The following FBXL17 variants were observed in gnomAD, a reference collection of about 807,000 sequenced individuals.
The protein encoded by FBXL17 is F-box/LRR-repeat protein 17.
In FBXL17, 22 loss-of-function variants were observed where a neutral mutation model predicts 66.2. The observed-to-expected ratio is 0.33, with a 90% CI of 0.24 to 0.47. FBXL17 has a LOEUF of 0.47. Ranked by LOEUF, FBXL17 falls within the 20% of genes least tolerant of loss-of-function variation. The pLI, the probability that FBXL17 is intolerant of heterozygous loss-of-function variation, is 1.00. For synonymous variants in FBXL17, 474 were observed against 400.5 expected, an observed-to-expected ratio of 1.18 and a Z score of -2.19; for missense variants, 878 against 948.2, an observed-to-expected ratio of 0.93 and a Z score of 0.97.
intron 4 of FBXL17, among the ~76,000 whole-genome samples, chr5:108,313,488 A>G (rs1261574210): frequency 6.6e-6 from 1 of 152,106 alleles, no homozygotes; most frequent in Non-Finnish European, 1.5e-5. Context: ...TAGTTCTGTC[A>G]TTCATTTACA....
intron 8 of FBXL17, among the ~76,000 whole-genome samples, chr5:107,877,747 T>C (rs1419009246): frequency 6.6e-6 from 1 of 151,910 alleles, no homozygotes; most frequent in East Asian, 1.9e-4. Flanking sequence ...CTGGCTCCAC[T>C]GGTGTGCAGA....
intron 6 of FBXL17, among the ~76,000 whole-genome samples, chr5:108,161,045 A>G (rs1400438332): frequency 6.6e-6 from 1 of 152,086 alleles, no homozygotes; most frequent in Non-Finnish European, 1.5e-5. Context: ...CCTGGAGGAG[A>G]GGTAGGGGAA....
chr5:108,018,165 AGAATCAT>A (rs1706253036), intron 7 of FBXL17, among the ~76,000 whole-genome samples: 3 of 152,200 alleles, frequency 2.0e-5, no homozygotes, highest in Non-Finnish European at 1.5e-5. Context: ...AATAGGAAGC[AGAATCAT>A]GGGGTAGTCT....
chr5:108,040,581 C>A (rs13173786), intron 6 of FBXL17, among the ~76,000 whole-genome samples: 64,719 of 151,924 alleles, frequency 0.43, 13,932 homozygotes, highest in Admixed American at 0.47. Flanking sequence ...CCCTGACATG[C>A]AAAGATTTCA....
chr5:108,259,949 C>G (rs12519091), intron 4 of FBXL17, among the ~76,000 whole-genome samples: 23,091 of 151,204 alleles, frequency 0.15, 2,016 homozygotes, highest in South Asian at 0.23. Context: ...AAACTCTGTC[C>G]ACTACTGGCT....
At chr5:108,259,393 A>G (rs1439641050) in intron 4 of FBXL17, among the ~76,000 whole-genome samples, 3 of 152,212 alleles carry the variant, frequency 2.0e-5, no homozygotes, top group East Asian at 3.8e-4. Context: ...GAGGATTCCA[A>G]TGTTTTAAAA....
intron 7 of FBXL17, among the ~76,000 whole-genome samples, chr5:107,951,229 G>A (rs1751489547): frequency 1.3e-5 from 2 of 152,144 alleles, no homozygotes; most frequent in South Asian, 4.1e-4. Context: ...AATGCATATG[G>A]GTAATATGTC....
chr5:108,295,980 A>C (rs925392434), intron 4 of FBXL17, among the ~76,000 whole-genome samples: 2 of 149,914 alleles, frequency 1.3e-5, no homozygotes, highest in Non-Finnish European at 3.0e-5. Flanking sequence ...AAAAAAAAAA[A>C]ACCTTTCAGT....
chr5:108,326,982 A>G (rs560965095), intron 4 of FBXL17, among the ~76,000 whole-genome samples: 1 of 152,320 alleles, frequency 6.6e-6, no homozygotes, highest in South Asian at 2.1e-4. Flanking sequence ...AATTTATTCA[A>G]GAGAAATGAA....
At chr5:108,041,882 A>G (rs1747059860) in intron 6 of FBXL17, among the ~76,000 whole-genome samples, 1 of 152,158 alleles carries the variant, frequency 6.6e-6, no homozygotes, top group Non-Finnish European at 1.5e-5. Context: ...TATCATACTC[A>G]TATTCATCTA....
intron 7 of FBXL17, among the ~76,000 whole-genome samples, chr5:107,910,792 G>T (rs1445734077): frequency 6.6e-6 from 1 of 151,926 alleles, no homozygotes; most frequent in Non-Finnish European, 1.5e-5. Context: ...AGATTCCACT[G>T]ACATTAGAAA....
At chr5:108,118,283 C>A (rs886149823) in intron 6 of FBXL17, among the ~76,000 whole-genome samples, 4 of 152,162 alleles carry the variant, frequency 2.6e-5, no homozygotes, top group Non-Finnish European at 4.4e-5. Flanking sequence ...GACATCCCTG[C>A]CTGGTGGACC....
chr5:108,285,937 T>C (rs1757882402), intron 4 of FBXL17, among the ~76,000 whole-genome samples: 2 of 151,894 alleles, frequency 1.3e-5, no homozygotes, highest in African/African-American at 2.4e-5. Context: ...AAAAAGCTAA[T>C]TCACCACAAT....
At chr5:107,996,470 A>G (rs1580303835) in intron 7 of FBXL17, among the ~76,000 whole-genome samples, 1 of 152,078 alleles carries the variant, frequency 6.6e-6, no homozygotes, top group East Asian at 1.9e-4. Context: ...GTGCGCCACC[A>G]TGTCTGGCTA....
At chr5:108,112,417 T>C (rs1453631493) in intron 6 of FBXL17, among the ~76,000 whole-genome samples, 1 of 152,200 alleles carries the variant, frequency 6.6e-6, no homozygotes, top group Non-Finnish European at 1.5e-5. Context: ...GAATTAGCCC[T>C]TGACTAAACA....
At chr5:108,026,633 A>G (rs1580345495) in intron 6 of FBXL17, among the ~76,000 whole-genome samples, 1 of 152,232 alleles carries the variant, frequency 6.6e-6, no homozygotes, top group African/African-American at 2.4e-5. Context: ...GACATGCAAA[A>G]TATCACCAAC....
At chr5:107,920,267 C>T (rs190262920) in intron 7 of FBXL17, among the ~76,000 whole-genome samples, 94 of 152,254 alleles carry the variant, frequency 6.2e-4, no homozygotes, top group East Asian at 3.9e-3. Flanking sequence ...TGCAACGGCG[C>T]GACCTTGGCT....
At chr5:108,235,006 C>G (rs1755534119) in intron 4 of FBXL17, among the ~76,000 whole-genome samples, 1 of 152,114 alleles carries the variant, frequency 6.6e-6, no homozygotes, top group Non-Finnish European at 1.5e-5. Context: ...CTATCTTTAT[C>G]AGAATAAGAT....
intron 6 of FBXL17, among the ~76,000 whole-genome samples, chr5:108,132,675 T>C (rs1222388781): frequency 6.6e-6 from 1 of 152,188 alleles, no homozygotes. Flanking sequence ...CAGTAAACAA[T>C]GATTTACAAA....
Sources: gnomAD v4.1 joint callset for allele counts (sites outside exome capture counted in the v4.1 genomes callset) on GRCh38, gnomAD v4.1.1 for gene constraint, MANE v1.5 for transcripts, NCBI Gene and HGNC (gene_info 2026-07-23, HGNC 2026-07-21) for gene names.